ADAMTS19: variants seen among roughly 807,000 people sequenced by gnomAD.
ADAMTS19 encodes A disintegrin and metalloproteinase with thrombospondin motifs 19.
ADAMTS19 carries 93 observed loss-of-function variants against 153.3 expected under a neutral mutation model. The ratio of observed to expected loss-of-function variants is 0.61; its 90% CI spans 0.51 to 0.72. ADAMTS19 has a LOEUF of 0.72. Ranked by LOEUF, ADAMTS19 falls within the 30% of genes least tolerant of loss-of-function variation. ADAMTS19 has a pLI of 0.00. For missense variants in ADAMTS19, 1,482 were observed against 1,552.1 expected, an observed-to-expected ratio of 0.95 and a Z score of 0.76; for synonymous variants, 600 against 556.6, an observed-to-expected ratio of 1.08 and a Z score of -1.10.
chr5:129,489,236 T>C (rs936460512), intron 2 of ADAMTS19, among the ~76,000 whole-genome samples: 1 of 152,154 alleles, frequency 6.6e-6, no homozygotes, highest in African/African-American at 2.4e-5. Context: ...TACATAATAG[T>C]TGATGAGAAC....
At chr5:129,572,646 G>T (rs1229576877) in intron 7 of ADAMTS19, among the ~76,000 whole-genome samples, 2 of 151,940 alleles carry the variant, frequency 1.3e-5, no homozygotes, top group Non-Finnish European at 1.5e-5. Flanking sequence ...AAAGCATTAT[G>T]CTGAGGGAAA....
In ADAMTS19 at chr5:129,694,972, G is replaced by A. The variant is rs376605699; in HGVS notation, c.2954+117G>A. The stretch of plus-strand genomic sequence containing the variant: ...TCTTAAAAACATTGCCAAAGGATAC[G>A]TACCAAAATTTAAAGTCTTAAATAA... On this transcript the variant is annotated intron_variant, in intron 19 of 22. Transcript: ENST00000274487. 2.6e-5 allele frequency: 32 copies of A among 1,212,584 alleles called. No homozygotes were observed. In the East Asian group the frequency reaches 3.1e-4, roughly 12 times the overall value. 75.1% of individuals were successfully genotyped at this position (1,212,584 alleles called of 1,614,324 possible). A position where few individuals can be genotyped will look rare whatever the true frequency, so the allele number is the denominator to read the frequency against.
chr5:129,711,427 G>A (rs749562345), intron 21 of ADAMTS19, among the ~76,000 whole-genome samples: 4 of 152,182 alleles, frequency 2.6e-5, no homozygotes, highest in South Asian at 2.1e-4. Context: ...TGTAATCCCA[G>A]CACTTTGGGA....
At chr5:129,690,139 C>CA (rs1755266883) in intron 18 of ADAMTS19, among the ~76,000 whole-genome samples, 1 of 151,786 alleles carries the variant, frequency 6.6e-6, no homozygotes. Context: ...CTAGGTGGTC[C>CA]AAAGATGAAT....
chr5:129,474,788 G>C (rs1237044705), intron 2 of ADAMTS19, among the ~76,000 whole-genome samples: 2 of 152,126 alleles, frequency 1.3e-5, no homozygotes, highest in Non-Finnish European at 1.5e-5. Context: ...ATTTGTGGAT[G>C]TGCAGCGGTA....
chr5:129,696,522 G>T (rs1236078449), intron 19 of ADAMTS19, among the ~76,000 whole-genome samples: 1 of 152,156 alleles, frequency 6.6e-6, no homozygotes, highest in Non-Finnish European at 1.5e-5. Flanking sequence ...TCTGACACAG[G>T]TCTCCAATCA....
chr5:129,674,000 GT>G (rs1754433931), intron 16 of ADAMTS19, among the ~76,000 whole-genome samples: 1 of 152,118 alleles, frequency 6.6e-6, no homozygotes, highest in Non-Finnish European at 1.5e-5. Context: ...GGAGGCTGAG[GT>G]GGGCGGATCA....
At chr5:129,733,940 TGTGC>T (rs1254447814) in intron 21 of ADAMTS19, among the ~76,000 whole-genome samples, 2 of 109,204 alleles carry the variant, frequency 1.8e-5, no homozygotes, top group African/African-American at 7.1e-5. Context: ...AAAGCAAGTG[TGTGC>T]GTGTGTGTGT....
In ADAMTS19 at chr5:129,664,897, C is replaced by T. The variant is rs187540007; in HGVS notation, c.2426-602C>T. ...CTGCTGAAAAATGTTTCCTGAGAAG[C>T]ACCTAATCATGTCTTGGGTCTAGCT... On this transcript the variant is annotated intron_variant, in intron 15 of 22. Transcript: ENST00000274487. Among the ~76,000 whole-genome samples the T allele has an allele frequency of 1.1e-4, 17 of 152,200 alleles. No homozygotes were observed. In the East Asian group the frequency reaches 2.3e-3, roughly 21 times the overall value.
chr5:129,490,205 C>A (rs1014382008), intron 2 of ADAMTS19, among the ~76,000 whole-genome samples: 1 of 152,080 alleles, frequency 6.6e-6, no homozygotes, highest in Non-Finnish European at 1.5e-5. Context: ...AAATTCTTTT[C>A]AAATTTTAAG....
chr5:129,735,666 T>G (rs1442727492), intron 22 of ADAMTS19, among the ~76,000 whole-genome samples: 1 of 152,070 alleles, frequency 6.6e-6, no homozygotes, highest in African/African-American at 2.4e-5. Context: ...ATATTGATAT[T>G]TACATTGTTT....
At position 129,461,578 on chromosome 5, in the gene ADAMTS19, G is replaced by C. The variant is rs201159584; in HGVS notation, c.568G>C (p.Gly190Arg). 1.3e-6 allele frequency: 2 copies of C among 1,568,062 alleles called. No homozygotes were observed. The highest frequency in any genetic ancestry group is 2.4e-5 in the East Asian group (1 of 42,154). Residue 190 changes from glycine (G) to arginine (R), a missense_variant, in exon 2 of 23, where the codon GGC becomes CGC. This residue lies in a region of ADAMTS19 where 866 missense variants were observed against 827.7 expected (regional missense o/e 1.05). Coordinates refer to ENST00000274487, the MANE Select transcript of ADAMTS19 (RefSeq NM_133638.6). This position sits in a 1 kb window ranked among gnomAD's most constrained non-coding sequence, Gnocchi z 4.6. ...CCTGTACCTGCTGCTCCGGAGAGAC[G>C]GCCGCTTCCTGGCGCCGCGCTTCGC... is the stretch of plus-strand genomic sequence containing the variant. ...RDLYLLLRRDGRFLAPRFAVE... is the reference protein window; with the variant it reads ...RDLYLLLRRDRRFLAPRFAVE...
At chr5:129,672,949 A>C (rs1006246800) in intron 16 of ADAMTS19, among the ~76,000 whole-genome samples, 3 of 152,002 alleles carry the variant, frequency 2.0e-5, no homozygotes, top group Admixed American at 6.6e-5. Flanking sequence ...TTAAGAAATT[A>C]ATTCATTTCC....
At chr5:129,610,222 T>G (rs1425353958) in intron 8 of ADAMTS19, among the ~76,000 whole-genome samples, 1 of 152,088 alleles carries the variant, frequency 6.6e-6, no homozygotes, top group Non-Finnish European at 1.5e-5. Flanking sequence ...TATAATTTAT[T>G]GAATAATCCT....
At chr5:129,500,388 A>C (rs1300625888) in intron 2 of ADAMTS19, 3 of 152,138 alleles carry the variant, frequency 2.0e-5, no homozygotes, top group Non-Finnish European at 4.4e-5. Context: ...CGCATTTGCC[A>C]AGTGCTTTAA....
chr5:129,510,582 T>C (rs1433659290), intron 3 of ADAMTS19, among the ~76,000 whole-genome samples: 1 of 151,708 alleles, frequency 6.6e-6, no homozygotes, highest in East Asian at 1.9e-4. Flanking sequence ...AGCTTCTGTA[T>C]TGGGAAATGA....
Position 129,461,746 on chromosome 5 carries a change from G to T in ADAMTS19, c.736G>T (p.Gly246Ter). 1 of 1,499,512 alleles carries T rather than the reference G, an allele frequency of 6.7e-7. No homozygotes were observed. Among genetic ancestry groups the T allele is most frequent in the Non-Finnish European group, 8.8e-7 (1 of 1,131,332 alleles). The allele number at this position is 1,499,512 out of a possible 1,614,324, so 92.9% of individuals were successfully genotyped here. Residue 246 changes from glycine (G) to a stop codon, truncating the protein, a stop_gained, in exon 2 of 23, where the codon GGA (glycine) becomes TGA (stop). Transcript: ENST00000274487. LOFTEE classifies it high-confidence loss of function. This position sits in a 1 kb window ranked among gnomAD's most constrained non-coding sequence, Gnocchi z 4.6. ...CTCGCTGGCTTCTTTCAGCACCTGT[G>T]GAGGTGGCCTGGTAAGCGCCTTCTT... ...PGSLASFSTC[G>*]GGLMGFIQLN...
rs899416235 is a variant in ADAMTS19 at position 129,565,630 on chromosome 5, C to T, written c.1372+13723C>T. On this transcript the variant is annotated intron_variant, in intron 7 of 22. Coordinates refer to ENST00000274487, the MANE Select transcript of ADAMTS19 (RefSeq NM_133638.6). ...ATTTATATATTCTTTAAATGTTTTC[C>T]TTTTTCCTAGCCTTTCATTATTGTT... Among the ~76,000 whole-genome samples, 10 of 152,118 alleles carry T rather than the reference C, an allele frequency of 6.6e-5. No homozygotes were observed. In the East Asian group the frequency reaches 9.7e-4, roughly 15 times the overall value.
chr5:129,695,561 T>G (rs1244668433), intron 19 of ADAMTS19, among the ~76,000 whole-genome samples: 1 of 152,170 alleles, frequency 6.6e-6, no homozygotes, highest in East Asian at 1.9e-4. Flanking sequence ...GAGTGGAACC[T>G]GAGTATAATT....
Sources: allele counts gnomAD v4.1 joint callset (sites outside exome capture counted in the v4.1 genomes callset), GRCh38; gene constraint gnomAD v4.1.1; regional missense constraint gnomAD v4.1.1; non-coding constraint Gnocchi (gnomAD v3.1); transcripts MANE v1.5; gene names NCBI Gene and HGNC (gene_info 2026-07-23, HGNC 2026-07-21).